The following ZBTB20 variants were observed in gnomAD, a reference collection of about 807,000 sequenced individuals.
ZBTB20 encodes the protein zinc finger and BTB domain-containing protein 20.
ZBTB20 carries 9 observed loss-of-function variants against 56.9 expected under a neutral mutation model. That is an observed-to-expected ratio of 0.16 (90% CI 0.10 to 0.28). The LOEUF (loss-of-function observed/expected upper bound fraction) is 0.28. Among genes scored for constraint, ZBTB20 ranks in the 10% least tolerant of loss-of-function variants. The pLI, the probability that ZBTB20 is intolerant of heterozygous loss-of-function variation, is 1.00. For missense variants in ZBTB20, 655 were observed against 1,003.0 expected (o/e 0.65, Z 4.69); for synonymous variants, 417 against 420.7 (o/e 0.99, Z 0.11).
intron 2 of ZBTB20, among the ~76,000 whole-genome samples, chr3:115,028,172 CCA>C (rs1222804585): frequency 2.0e-5 from 3 of 150,600 alleles, no homozygotes; most frequent in Non-Finnish European, 4.5e-5. Context: ...TCCTTAAACC[CCA>C]GTTTTAATAG....
chr3:115,064,782 T>C (rs1343058585), intron 2 of ZBTB20, among the ~76,000 whole-genome samples: 1 of 152,182 alleles, frequency 6.6e-6, no homozygotes, highest in African/African-American at 2.4e-5. Context: ...CCACATCTTC[T>C]AGCTTTGAAT....
intron 5 of ZBTB20, among the ~76,000 whole-genome samples, chr3:114,757,630 A>C (rs1418981071): frequency 1.3e-5 from 2 of 152,146 alleles, no homozygotes; most frequent in African/African-American, 2.4e-5. Context: ...ATCTGAGGAC[A>C]GAATGTGATC....
intron 5 of ZBTB20, among the ~76,000 whole-genome samples, chr3:114,700,851 C>T (rs968061968): frequency 1.3e-5 from 2 of 152,130 alleles, no homozygotes; most frequent in African/African-American, 4.8e-5. Context: ...CCATTATAAA[C>T]CTTATGCTTA....
At chr3:114,799,303 C>T (rs2071550338) in intron 5 of ZBTB20, among the ~76,000 whole-genome samples, 1 of 151,878 alleles carries the variant, frequency 6.6e-6, no homozygotes, top group African/African-American at 2.4e-5. Context: ...TGGAAAAATG[C>T]TGAAGACCAT....
At chr3:114,641,151 C>T (rs1347493563) in intron 6 of ZBTB20, among the ~76,000 whole-genome samples, 2 of 151,988 alleles carry the variant, frequency 1.3e-5, no homozygotes, top group East Asian at 3.8e-4. Flanking sequence ...TATTATTTCT[C>T]TTTATAAATA....
chr3:115,073,692 A>G (rs1056448599), intron 1 of ZBTB20, among the ~76,000 whole-genome samples: 4 of 151,970 alleles, frequency 2.6e-5, no homozygotes, highest in African/African-American at 9.7e-5. Flanking sequence ...AAACAAAGAT[A>G]AGAGATTATA....
At chr3:115,065,949 G>A (rs1327600228) in intron 2 of ZBTB20, among the ~76,000 whole-genome samples, 1 of 152,080 alleles carries the variant, frequency 6.6e-6, no homozygotes, top group East Asian at 1.9e-4. Context: ...ATAAAATGGA[G>A]GAGAGCTGTC....
chr3:114,331,136 TGC>T lies in ZBTB20; in HGVS notation c.*7867_*7868del, dbSNP rs1491026448. The T allele has an allele frequency of 6.6e-6, 1 of 151,148 alleles. No homozygotes were observed. Among genetic ancestry groups the T allele is most frequent in the Non-Finnish European group, 1.5e-5 (1 of 68,460 alleles). The allele number at this position is 151,148 out of a possible 1,614,324, so 9.4% of individuals were successfully genotyped here. ...GTGTGTGTGTGTGTGTGTGTGTGTG[TGC>T]ACACTGCATTGCATAGAGGAAAGGA... is the stretch of plus-strand genomic sequence containing the variant. On this transcript the variant is annotated 3_prime_UTR_variant, in exon 12 of 12. Transcript: ENST00000675478.
intron 1 of ZBTB20, among the ~76,000 whole-genome samples, chr3:115,088,581 T>A (rs2083075021): frequency 6.6e-6 from 1 of 151,892 alleles, no homozygotes; most frequent in African/African-American, 2.4e-5. Context: ...TTACTGCATA[T>A]CAATAATTTG....
chr3:115,018,364 A>T (rs967270972), intron 2 of ZBTB20, among the ~76,000 whole-genome samples: 1 of 151,532 alleles, frequency 6.6e-6, no homozygotes, highest in Non-Finnish European at 1.5e-5. Context: ...CAGCAGGATT[A>T]TTTATTCTCC....
chr3:114,691,457 A>C (rs1208818673), intron 6 of ZBTB20, among the ~76,000 whole-genome samples: 1 of 152,120 alleles, frequency 6.6e-6, no homozygotes, highest in East Asian at 1.9e-4. Context: ...ATCATAAAAA[A>C]TTTAAAAACA....
chr3:114,575,874 T>G (rs549751064), intron 6 of ZBTB20, among the ~76,000 whole-genome samples: 7 of 152,328 alleles, frequency 4.6e-5, no homozygotes, highest in Admixed American at 2.0e-4. Flanking sequence ...AGAAGCTCAC[T>G]GATTTCAAAG....
chr3:114,981,969 T>A (rs970445289), intron 2 of ZBTB20, among the ~76,000 whole-genome samples: 4 of 152,046 alleles, frequency 2.6e-5, no homozygotes, highest in African/African-American at 9.7e-5. Context: ...ATTTGGTGAA[T>A]TGTTCATAAG....
At chr3:114,885,978 T>G (rs2076586368) in intron 4 of ZBTB20, among the ~76,000 whole-genome samples, 1 of 152,234 alleles carries the variant, frequency 6.6e-6, no homozygotes, top group Admixed American at 6.5e-5. Context: ...AAAGAAAACA[T>G]ACTTGTAATA....
chr3:114,893,911 A>C (rs1008616140), intron 4 of ZBTB20, among the ~76,000 whole-genome samples: 8 of 152,286 alleles, frequency 5.3e-5, no homozygotes, highest in African/African-American at 1.9e-4. Context: ...CTAAAACACT[A>C]AGCCTTCGAA....
intron 4 of ZBTB20, among the ~76,000 whole-genome samples, chr3:114,856,640 T>C (rs1271778199): frequency 6.6e-6 from 1 of 152,198 alleles, no homozygotes; most frequent in Non-Finnish European, 1.5e-5. Context: ...AAAAGTAATA[T>C]TATACTCGGC....
intron 5 of ZBTB20, among the ~76,000 whole-genome samples, chr3:114,746,691 A>G (rs1270822379): frequency 6.6e-6 from 1 of 152,166 alleles, no homozygotes; most frequent in South Asian, 2.1e-4. Flanking sequence ...TTTCTGTTAT[A>G]AGGAGGGTTT....
At chr3:114,813,612 A>G (rs1202773834) in intron 4 of ZBTB20, among the ~76,000 whole-genome samples, 1 of 152,178 alleles carries the variant, frequency 6.6e-6, no homozygotes, top group Non-Finnish European at 1.5e-5. Flanking sequence ...TTAGCTGCGC[A>G]TGGTGGCGCA....
intron 4 of ZBTB20, among the ~76,000 whole-genome samples, chr3:114,899,116 A>T (rs1393571666): frequency 6.6e-6 from 1 of 152,160 alleles, no homozygotes; most frequent in Admixed American, 6.6e-5. Context: ...AGCATCTAGC[A>T]TTTGTTAAAT....
Sources: allele counts gnomAD v4.1 joint callset (sites outside exome capture counted in the v4.1 genomes callset), GRCh38; gene constraint gnomAD v4.1.1; transcripts MANE v1.5; gene names NCBI Gene and HGNC (gene_info 2026-07-23, HGNC 2026-07-21).